PKHD1L1: variants seen among roughly 807,000 people sequenced by gnomAD.
The protein encoded by PKHD1L1 is fibrocystin-L.
In PKHD1L1, 434 loss-of-function variants were observed where a neutral mutation model predicts 462.9. The observed-to-expected ratio is 0.94, with a 90% CI of 0.87 to 1.02. The LOEUF is 1.02. Among genes scored for constraint, PKHD1L1 ranks in the 50% least tolerant of loss-of-function variants. PKHD1L1 has a pLI of 0.00. For missense variants in PKHD1L1, 5,202 were observed against 5,096.1 expected (o/e 1.02, Z -0.63); for synonymous variants, 1,781 against 1,750.0 (o/e 1.02, Z -0.44).
At chr8:109,486,965 T>C (rs1818562038) in intron 59 of PKHD1L1, 144 bp downstream of exon 59, 5 of 787,528 alleles carry the variant, frequency 6.3e-6, no homozygotes, top group East Asian at 2.8e-5. Context: ...GCCCAGTTTT[T>C]ACCTTCCAAG....
intron 53 of PKHD1L1, among the ~76,000 whole-genome samples, chr8:109,479,193 AC>A (rs1326809859): frequency 6.6e-6 from 1 of 152,134 alleles, no homozygotes; most frequent in African/African-American, 2.4e-5. Flanking sequence ...AAAACTGAAG[AC>A]CGTCTGTCCT....
chr8:109,379,064 A>G (rs1339340704), intron 2 of PKHD1L1, among the ~76,000 whole-genome samples: 2 of 152,140 alleles, frequency 1.3e-5, no homozygotes, highest in African/African-American at 4.8e-5. Context: ...TGCATGAGCC[A>G]ACAACATGGA....
Position 109,526,879 on chromosome 8 carries a change from A to C in PKHD1L1, c.12580A>C (p.Ser4194Arg). 2 of 1,586,440 alleles carry C rather than the reference A, an allele frequency of 1.3e-6. No homozygotes were observed. The highest frequency in any genetic ancestry group is 1.7e-6 in the Non-Finnish European group (2 of 1,163,988). ...LLAESVSSSG[S>R]SSSSNSKAST... ...GGCAGAGTCTGTCTCTAGCAGTGGCAGCAGCAGCAGCAGCAACAGCAAAGC... is the reference window on the plus strand; with the variant it reads ...GGCAGAGTCTGTCTCTAGCAGTGGCCGCAGCAGCAGCAGCAACAGCAAAGC... The change falls in exon 77 of 78, where the codon AGC (serine) becomes CGC (arginine). Residue 4194 changes from serine to arginine, a missense_variant. Ser to Arg is a moderately radical substitution (Grantham distance 110). This residue lies in a region of PKHD1L1 where 698 missense variants were observed against 736.3 expected (regional missense o/e 0.95). Transcript: ENST00000378402.
At chr8:109,521,872 A>C (rs1218533715) in intron 73 of PKHD1L1, among the ~76,000 whole-genome samples, 1 of 152,194 alleles carries the variant, frequency 6.6e-6, no homozygotes, top group African/African-American at 2.4e-5. Flanking sequence ...TTCATTGGTA[A>C]ACAAAGATTG....
rs1274246243 is a variant in PKHD1L1, at chr8:109,464,194, CTG to C, written c.7384-19_7384-18del. 1 of 1,513,104 alleles carries C rather than the reference CTG, an allele frequency of 6.6e-7. No individual in the cohort carries two copies. The highest frequency in any genetic ancestry group is 8.9e-7 in the Non-Finnish European group (1 of 1,125,688). The allele number at this position is 1,513,104 out of a possible 1,614,324, so 93.7% of individuals were successfully genotyped here. On this transcript the variant is annotated intron_variant, in intron 48 of 77. Coordinates refer to ENST00000378402, the MANE Select transcript of PKHD1L1 (RefSeq NM_177531.6). ...CAACATCTGAGCTATTACTAAATAACTGTGATTTCTGGGCTTAACAGGTATTC... is the reference window on the plus strand; with the variant it reads ...CAACATCTGAGCTATTACTAAATAACTGATTTCTGGGCTTAACAGGTATTC...
At chr8:109,468,327 G>C (rs1817553668) in intron 50 of PKHD1L1, among the ~76,000 whole-genome samples, 1 of 152,122 alleles carries the variant, frequency 6.6e-6, no homozygotes, top group South Asian at 2.1e-4. Flanking sequence ...ATTCAGGAAG[G>C]CAGGTATTTC....
chr8:109,419,520 A>G (rs1814358969), intron 22 of PKHD1L1, among the ~76,000 whole-genome samples: 1 of 152,172 alleles, frequency 6.6e-6, no homozygotes, highest in South Asian at 2.1e-4. Context: ...GTTTATGGAT[A>G]AATACACTAT....
intron 50 of PKHD1L1, chr8:109,470,868 C>G: frequency 6.6e-7 from 1 of 1,521,674 alleles, no homozygotes; most frequent in East Asian, 2.3e-5. Context: ...GAAAGAAGAT[C>G]CTGAAATGCT....
chr8:109,523,454 T>C, intron 76 of PKHD1L1, 68 bp downstream of exon 76: 1 of 1,408,770 alleles, frequency 7.1e-7, no homozygotes, highest in Non-Finnish European at 9.7e-7. Flanking sequence ...GTTCTTTTAA[T>C]GAACAAAGCA....
chr8:109,497,418 T>TA (rs1179714781), intron 65 of PKHD1L1, 146 bp downstream of exon 65: 12 of 574,500 alleles, frequency 2.1e-5, no homozygotes, highest in South Asian at 5.1e-5. Context: ...GCCCTCTGCC[T>TA]AAAAAACCGT....
chr8:109,404,867 C>T, intron 15 of PKHD1L1, 128 bp from the exon 16 acceptor site: 1 of 1,111,668 alleles, frequency 9.0e-7, no homozygotes, highest in Non-Finnish European at 1.2e-6. Flanking sequence ...TACGATAAGC[C>T]AAAAAGGCTG....
rs372883862 is a variant in PKHD1L1 at position 109,445,332 on chromosome 8, G to C, written c.5463G>C (p.Leu1821Phe). The change falls in exon 38 of 78, where the codon TTG becomes TTC. Residue 1821 changes from leucine to phenylalanine, a missense_variant. Physicochemically the swap from Leu to Phe is conservative, Grantham distance 22 (BLOSUM62 0). Transcript: ENST00000378402. ...GTGTTGTGGTGGGAAGTAAAGGCTT[G>C]GCTCTGGGAAACCTGACTGTCAGCA... ...SVSVVVGSKG[L>F]ALGNLTVSSP... 93 of 1,613,782 alleles carry C rather than the reference G, an allele frequency of 5.8e-5. No individual in the cohort carries two copies. In the East Asian group the frequency reaches 7.8e-4, roughly 14 times the overall value.
rs1816566031 is a variant in PKHD1L1 at position 109,452,268 on chromosome 8, C to T, written c.6495C>T (p.Gly2165=). 3 of 1,601,880 alleles carry T rather than the reference C, an allele frequency of 1.9e-6. No homozygotes were observed. The highest frequency in any genetic ancestry group is 4.5e-5 in the East Asian group (2 of 44,376). The change falls in exon 42 of 78, where the codon GGC becomes GGT. Residue 2165 remains glycine, a synonymous_variant. Transcript: ENST00000378402. ...APVCVHIRGV[G]MAKLDNADFL... ...TTTGTGTCCACATCAGAGGTGTCGG[C>T]ATGGCCAAACTGGTAATAGTGCTGT...
chr8:109,441,402 G>A, intron 34 of PKHD1L1, 23 bp downstream of exon 34: 1 of 1,301,848 alleles, frequency 7.7e-7, no homozygotes, highest in East Asian at 2.4e-5. Flanking sequence ...TATATACTAT[G>A]AAATAATGGA....
chr8:109,408,954 C>A (rs143586464), intron 18 of PKHD1L1, among the ~76,000 whole-genome samples: 1 of 152,126 alleles, frequency 6.6e-6, no homozygotes, highest in African/African-American at 2.4e-5. Context: ...AGGTCTGTGC[C>A]AACAGGGCCT....
At chr8:109,407,560 G>A (rs1240877431) in intron 17 of PKHD1L1, among the ~76,000 whole-genome samples, 1 of 152,124 alleles carries the variant, frequency 6.6e-6, no homozygotes, top group Non-Finnish European at 1.5e-5. Context: ...AAGTGGCAAA[G>A]CCAATGATTA....
intron 13 of PKHD1L1, 115 bp from the exon 14 acceptor site, chr8:109,401,382 A>G (rs1394534207): frequency 1.5e-6 from 1 of 652,228 alleles, no homozygotes; most frequent in Non-Finnish European, 2.6e-6. Flanking sequence ...GTAGTTTTAC[A>G]TTTTTCTACT....
intron 6 of PKHD1L1, among the ~76,000 whole-genome samples, chr8:109,385,929 C>A (rs1213894157): frequency 6.6e-6 from 1 of 152,056 alleles, no homozygotes. Context: ...AGTCATACAA[C>A]TTTATTACTA....
intron 77 of PKHD1L1, among the ~76,000 whole-genome samples, chr8:109,527,294 G>A (rs1313022117): frequency 6.6e-6 from 1 of 152,122 alleles, no homozygotes; most frequent in Non-Finnish European, 1.5e-5. Flanking sequence ...CTGAGGTCAG[G>A]AGTTGGAGAC....
Sources: allele counts gnomAD v4.1 joint callset (sites outside exome capture counted in the v4.1 genomes callset), GRCh38; gene constraint gnomAD v4.1.1; regional missense constraint gnomAD v4.1.1; transcripts MANE v1.5; gene names NCBI Gene and HGNC (gene_info 2026-07-23, HGNC 2026-07-21).